ARAP3: variants seen among roughly 807,000 people sequenced by gnomAD.
ARAP3 encodes arf-GAP with Rho-GAP domain, ANK repeat and PH domain-containing protein 3.
ARAP3 carries 82 observed loss-of-function variants against 169.2 expected under a neutral mutation model. The ratio of observed to expected loss-of-function variants is 0.48; its 90% CI spans 0.41 to 0.58. ARAP3 has a LOEUF of 0.58. ARAP3 is among the 20% of genes least tolerant of loss of function. The probability of loss-of-function intolerance (pLI) is 0.00; values close to 1 mark genes in which losing one functional copy is unlikely to be tolerated. For missense variants in ARAP3, 1,764 were observed against 2,018.0 expected (o/e 0.87, Z 2.41); for synonymous variants, 791 against 800.3 (o/e 0.99, Z 0.20).
chr5:141,656,178 G>A lies in ARAP3; in HGVS notation c.3872+16C>T, dbSNP rs1284558456. The A allele has an allele frequency of 1.2e-6, 2 of 1,614,098 alleles. No individual in the cohort carries two copies. Among genetic ancestry groups the A allele is most frequent in the Non-Finnish European group, 1.7e-6 (2 of 1,180,004 alleles). Reference sequence around the variant, plus strand: ...CAGGAAGGCCCTGGAAGTGCGGGCTGGGGAAGAAAACTCACGGTGTTGGGG... The same window carrying A: ...CAGGAAGGCCCTGGAAGTGCGGGCTAGGGAAGAAAACTCACGGTGTTGGGG... On this transcript the variant is annotated intron_variant, in intron 28 of 32. Transcript: ENST00000239440.
Position 141,655,773 on chromosome 5 carries a change from AG to A in ARAP3, c.3973-16del, listed in dbSNP as rs911159884. On this transcript the variant is annotated splice_polypyrimidine_tract_variant and intron_variant, in intron 30 of 32. Coordinates refer to ENST00000239440, the MANE Select transcript of ARAP3 (RefSeq NM_022481.6). ...TGGTCATCGTGCTGGTGGGAGCGTG[AG>A]GGGTTGGCATCAGTGGGCATGAAAG... 2 of 1,613,952 alleles carry A rather than the reference AG, an allele frequency of 1.2e-6. No homozygotes were observed. The highest frequency in any genetic ancestry group is 2.7e-5 in the African/African-American group (2 of 74,878).
chr5:141,674,728 C>T (rs1471782063), intron 4 of ARAP3, among the ~76,000 whole-genome samples: 2 of 150,886 alleles, frequency 1.3e-5, no homozygotes, highest in African/African-American at 4.9e-5. Context: ...TAGATGGCTC[C>T]CTGTCATGGT....
chr5:141,664,894 G>A, intron 19 of ARAP3, 28 bp downstream of exon 19: 1 of 1,437,748 alleles, frequency 7.0e-7, no homozygotes, highest in Non-Finnish European at 9.2e-7. Context: ...CACCCCCATT[G>A]GCTCAGTACC....
intron 16 of ARAP3, among the ~76,000 whole-genome samples, chr5:141,668,515 C>T (rs2099910987): frequency 6.6e-6 from 1 of 152,202 alleles, no homozygotes; most frequent in Admixed American, 6.5e-5. Context: ...AACACATAGT[C>T]CAGGGGCTAG....
intron 17 of ARAP3, among the ~76,000 whole-genome samples, chr5:141,665,695 C>G (rs13159712): frequency 0.16 from 23,922 of 151,878 alleles, 1,922 homozygotes; most frequent in East Asian, 0.25. Context: ...GGCACCCAGT[C>G]CCCTCTCCCA....
At position 141,681,640 on chromosome 5, in the gene ARAP3, G is replaced by T. The variant is rs182706661; in HGVS notation, c.-18+533C>A. Reference sequence around the variant, plus strand: ...GCTCTCTGTTATTAAGCTTGTCCTTGACTCAGTCTACAATTCTAACCAGAT... The same window carrying T: ...GCTCTCTGTTATTAAGCTTGTCCTTTACTCAGTCTACAATTCTAACCAGAT... On this transcript the variant is annotated intron_variant, in intron 1 of 32. Coordinates refer to ENST00000239440, the MANE Select transcript of ARAP3 (RefSeq NM_022481.6). Among the ~76,000 whole-genome samples, 447 of 152,190 alleles carry T rather than the reference G, an allele frequency of 2.9e-3. 2 individuals carry two copies. Among genetic ancestry groups the T allele is most frequent in the Non-Finnish European group, 5.1e-3 (344 of 68,016 alleles).
chr5:141,665,449 C>T (rs957304686), intron 17 of ARAP3, 75 bp from the exon 18 acceptor site: 18 of 1,493,064 alleles, frequency 1.2e-5, no homozygotes, highest in Admixed American at 5.1e-5. Flanking sequence ...AAATGCTTAA[C>T]GTGCATAGAT....
intron 21 of ARAP3, among the ~76,000 whole-genome samples, chr5:141,660,945 A>G (rs2099909872): frequency 1.3e-5 from 2 of 152,240 alleles, no homozygotes; most frequent in African/African-American, 2.4e-5. Context: ...AAAACAAAAT[A>G]ATATTGATTG....
At chr5:141,655,215 C>CACACACACACACA in intron 32 of ARAP3, 147 bp downstream of exon 32, 9 of 400,212 alleles carry the variant, frequency 2.2e-5, no homozygotes, top group Non-Finnish European at 2.5e-5. Context: ...ACACACACAC[C>CACACACACACACA]CTGATGGCCT....
intron 17 of ARAP3, 85 bp from the exon 18 acceptor site, chr5:141,665,459 T>A (rs2099910505): frequency 1.4e-6 from 2 of 1,437,014 alleles, no homozygotes; most frequent in Non-Finnish European, 9.7e-7. Flanking sequence ...CGTGCATAGA[T>A]GCCAGGCTAG....
intron 16 of ARAP3, among the ~76,000 whole-genome samples, chr5:141,666,947 A>T (rs2099910731): frequency 6.6e-6 from 1 of 152,024 alleles, no homozygotes; most frequent in Non-Finnish European, 1.5e-5. Context: ...TATAAGAAAG[A>T]ATACTCATTC....
Position 141,680,083 on chromosome 5 carries a change from G to A in ARAP3, c.404C>T (p.Pro135Leu), listed in dbSNP as rs745708020. 8.7e-6 allele frequency: 14 copies of A among 1,613,850 alleles called. No homozygotes were observed. The African/African-American group carries it at 1.1e-4, about 12-fold the overall frequency. ...VSRSPEPSPR[P>L]PPLPTSSSEQ... ...AGAGGAGGAAGTGGGGAGAGGAGGA[G>A]GCCTTGGGCTGGGCTCTGGGCTCCT... Residue 135 changes from proline (P) to leucine (L), a missense_variant, in exon 2 of 33, where the codon CCT becomes CTT. By Grantham distance (98) the Pro-to-Leu change is moderately conservative (BLOSUM62 -3). Coordinates refer to ENST00000239440, the MANE Select transcript of ARAP3 (RefSeq NM_022481.6).
Position 141,653,820 on chromosome 5 carries a change from A to G in ARAP3, c.*130T>C. The G allele has an allele frequency of 7.5e-7, 1 of 1,338,580 alleles. No individual in the cohort carries two copies. Among genetic ancestry groups the G allele is most frequent in the Non-Finnish European group, 1.0e-6 (1 of 995,176 alleles). 82.9% of individuals were successfully genotyped at this position (1,338,580 alleles called of 1,614,324 possible). A position where few individuals can be genotyped will look rare whatever the true frequency, so the allele number is the denominator to read the frequency against. On this transcript the variant is annotated 3_prime_UTR_variant, in exon 33 of 33. Transcript: ENST00000239440. The stretch of plus-strand genomic sequence containing the variant: ...ACGCAGCCACTGAAGCCTTTAGTCC[A>G]GTGCTCCTTCCACAGCACCACACTG...
intron 22 of ARAP3, 124 bp from the exon 23 acceptor site, chr5:141,659,600 G>T: frequency 7.5e-7 from 1 of 1,325,058 alleles, no homozygotes; most frequent in Non-Finnish European, 1.1e-6. Context: ...AAGGGGGTGA[G>T]GATGTTGGAA....
intron 14 of ARAP3, among the ~76,000 whole-genome samples, 189 bp from the exon 15 acceptor site, chr5:141,670,252 G>T (rs140198706): frequency 2.4e-4 from 36 of 152,312 alleles, no homozygotes; most frequent in African/African-American, 8.2e-4. Flanking sequence ...CTCAGTTTCA[G>T]TAGCTTGCCC....
intron 21 of ARAP3, among the ~76,000 whole-genome samples, chr5:141,660,308 C>T (rs941533453): frequency 6.6e-6 from 1 of 151,744 alleles, no homozygotes; most frequent in Non-Finnish European, 1.5e-5. Flanking sequence ...CTGGCTAACA[C>T]GGTGAAACCC....
In ARAP3 at chr5:141,669,740, C is replaced by CT; in HGVS notation, c.2320dup (p.Ser774LysfsTer7). 6.2e-7 allele frequency: 1 copy of CT among 1,614,118 alleles called. No homozygotes were observed. The highest frequency in any genetic ancestry group is 8.5e-7 in the Non-Finnish European group (1 of 1,179,980). On this transcript the variant is annotated frameshift_variant, in exon 16 of 33. Coordinates refer to ENST00000239440, the MANE Select transcript of ARAP3 (RefSeq NM_022481.6). LOFTEE classifies it high-confidence loss of function. ...CACAGCACTAGTCCAGGCCTCCAGA[C>CT]TGTCAGCTCCATCTGTGCCAAAATG... is the stretch of plus-strand genomic sequence containing the variant.
rs141698932 is a variant in ARAP3 at position 141,666,520 on chromosome 5, G to T, written c.2476C>A (p.Leu826Ile). The change falls in exon 17 of 33, where the codon CTC becomes ATC. Residue 826 changes from leucine (L) to isoleucine (I), a missense_variant. By Grantham distance (5) the Leu-to-Ile change is conservative. Around this residue, in one of 3 missense-constraint regions of ARAP3, gnomAD observed 1,112 missense variants for 1,285.7 expected, o/e 0.86. Transcript: ENST00000239440. Reference sequence around the variant, plus strand: ...AGGAAGAGGTGGTCACCACGAAGGAGGCCAAACCCTGACAGCCAGAGACCA... The same window carrying T: ...AGGAAGAGGTGGTCACCACGAAGGATGCCAAACCCTGACAGCCAGAGACCA... ...APGLWLSGFG[L>I]LRGDHLFLCS... 2.0e-4 allele frequency: 318 copies of T among 1,603,742 alleles called. No homozygotes were observed. The highest frequency in any genetic ancestry group is 1.4e-3 in the Middle Eastern group (8 of 5,882).
At chr5:141,656,014 A>G (rs1487290713) in intron 29 of ARAP3, 50 bp downstream of exon 29, 2 of 1,613,994 alleles carry the variant, frequency 1.2e-6, no homozygotes, top group Admixed American at 1.7e-5. Flanking sequence ...AAGAGAAAAG[A>G]CAGGGTGCAG....
Sources: allele counts gnomAD v4.1 joint callset (sites outside exome capture counted in the v4.1 genomes callset), GRCh38; gene constraint gnomAD v4.1.1; regional missense constraint gnomAD v4.1.1; transcripts MANE v1.5; gene names NCBI Gene and HGNC (gene_info 2026-07-23, HGNC 2026-07-21).